ZSCAN5A: variants seen among roughly 807,000 people sequenced by gnomAD.
ZSCAN5A encodes the protein zinc finger and SCAN domain containing 5A.
Under a neutral mutation model 23.7 loss-of-function variants are expected in ZSCAN5A, and 12 were observed. That is an observed-to-expected ratio of 0.51 (90% CI 0.32 to 0.82). ZSCAN5A has a LOEUF of 0.82. Among genes scored for constraint, ZSCAN5A ranks in the 40% least tolerant of loss-of-function variants. The pLI is 0.03. For missense variants in ZSCAN5A, 597 were observed against 617.9 expected (o/e 0.97, Z 0.36); for synonymous variants, 257 against 239.9 (o/e 1.07, Z -0.66).
At chr19:56,289,104 G>A (rs781720452) in intron 2 of ZSCAN5A, among the ~76,000 whole-genome samples, 4 of 152,192 alleles carry the variant, frequency 2.6e-5, no homozygotes, top group Non-Finnish European at 5.9e-5. Flanking sequence ...TCTGCAAGGG[G>A]AGAGTGGGAA....
At chr19:56,344,547 C>T (rs775386688) in intron 2 of ZSCAN5A, among the ~76,000 whole-genome samples, 6 of 149,606 alleles carry the variant, frequency 4.0e-5, no homozygotes, top group African/African-American at 7.4e-5. Flanking sequence ...CCAAGGTGGG[C>T]GGATCACCAG....
At chr19:56,292,927 A>G (rs2039614831) in intron 2 of ZSCAN5A, among the ~76,000 whole-genome samples, 1 of 152,168 alleles carries the variant, frequency 6.6e-6, no homozygotes, top group South Asian at 2.1e-4. Flanking sequence ...GCAATACTCC[A>G]TTGCATGGAT....
chr19:56,222,573 C>G lies in ZSCAN5A; in HGVS notation c.739+18G>C, dbSNP rs753718688. Reference sequence around the variant, plus strand: ...AAGAGAGGGACTAACCCCTGTGGATCCAAGTCTTCATACTCACTGGGACTC... The same window carrying G: ...AAGAGAGGGACTAACCCCTGTGGATGCAAGTCTTCATACTCACTGGGACTC... On this transcript the variant is annotated intron_variant, in intron 5 of 5. Transcript: ENST00000683990. 2.5e-6 allele frequency: 4 copies of G among 1,613,070 alleles called. 1 individual carries two copies. The South Asian group carries it at 4.4e-5, about 18-fold the overall frequency.
intron 2 of ZSCAN5A, among the ~76,000 whole-genome samples, chr19:56,349,624 GA>G (rs932335712): frequency 1.1e-3 from 160 of 140,888 alleles, no homozygotes; most frequent in African/African-American, 3.4e-3. Flanking sequence ...AGAATCGCTT[GA>G]ACCCGGGAGG....
chr19:56,266,997 G>T (rs2037524841), intron 2 of ZSCAN5A, among the ~76,000 whole-genome samples: 1 of 152,030 alleles, frequency 6.6e-6, no homozygotes, highest in South Asian at 2.1e-4. Context: ...CTTTCTGCGT[G>T]TCAAATTCCT....
intron 2 of ZSCAN5A, among the ~76,000 whole-genome samples, chr19:56,333,346 A>AT (rs901449502): frequency 8.1e-5 from 12 of 148,532 alleles, no homozygotes; most frequent in East Asian, 7.9e-4. Flanking sequence ...CAAAGACTTT[A>AT]TTTTTTTTTT....
intron 2 of ZSCAN5A, among the ~76,000 whole-genome samples, chr19:56,328,781 C>T (rs2041460049): frequency 6.6e-6 from 1 of 150,526 alleles, no homozygotes; most frequent in Admixed American, 6.6e-5. Context: ...GCAGGTGGAT[C>T]ATGAGGTCAG....
At chr19:56,313,415 C>T in intron 1 of ZSCAN5A, 31 bp from the exon 2 acceptor site, 1 of 180,092 alleles carries the variant, frequency 5.6e-6, no homozygotes, top group Non-Finnish European at 1.2e-5. Context: ...TCTCGTGAGA[C>T]TTATTCACTA....
chr19:56,274,664 T>C (rs1237799847), intron 2 of ZSCAN5A: 1 of 152,132 alleles, frequency 6.6e-6, no homozygotes, highest in Admixed American at 6.5e-5. Flanking sequence ...ATTAAAGAAA[T>C]TACAGACCTC....
rs543213701 is a variant in ZSCAN5A, at chr19:56,294,395, A to G, written c.-128+18888T>C. ...CTATAATGTGGGCGTAACTTACCCA[A>G]ACTCCCTTAGATTCTATTTTCCTAC... On this transcript the variant is annotated intron_variant, in intron 2 of 5. Coordinates refer to ENST00000683990, the MANE Select transcript of ZSCAN5A (RefSeq NM_001322064.3). Among the ~76,000 whole-genome samples the G allele has an allele frequency of 3.3e-5, 5 of 152,366 alleles. No homozygotes were observed. The East Asian group carries it at 9.6e-4, about 29-fold the overall frequency.
intron 2 of ZSCAN5A, among the ~76,000 whole-genome samples, chr19:56,271,684 A>G (rs1453046836): frequency 6.6e-6 from 1 of 152,182 alleles, no homozygotes; most frequent in Non-Finnish European, 1.5e-5. Context: ...GGCAGGAGAG[A>G]GTCCCCTGCA....
chr19:56,244,099 G>A, intron 2 of ZSCAN5A: 2 of 1,464,932 alleles, frequency 1.4e-6, no homozygotes, highest in African/African-American at 1.4e-5. Context: ...ACAGCCCTGA[G>A]TCAGAGCCGC....
chr19:56,338,902 G>A (rs1201903887), intron 2 of ZSCAN5A, among the ~76,000 whole-genome samples: 1 of 152,218 alleles, frequency 6.6e-6, no homozygotes, highest in Non-Finnish European at 1.5e-5. Flanking sequence ...AACTGAAAAG[G>A]TGGCCTGTTC....
At position 56,244,180 on chromosome 19, in the gene ZSCAN5A, C is replaced by T. The variant is rs375611551; in HGVS notation, c.-127-19007G>A. ...GGGACCCTGAGACTTGTCACGTGAA[C>T]TTCAGGATGTTCAGCTGCCCAGAGG... On this transcript the variant is annotated intron_variant, in intron 2 of 5. Transcript: ENST00000683990. 389 of 1,612,100 alleles carry T rather than the reference C, an allele frequency of 2.4e-4. 3 individuals carry two copies. Among genetic ancestry groups the T allele is most frequent in the African/African-American group, 5.3e-4 (40 of 74,972 alleles).
intron 2 of ZSCAN5A, chr19:56,281,791 C>T (rs769632442): frequency 3.8e-4 from 272 of 714,302 alleles, no homozygotes; most frequent in Non-Finnish European, 4.2e-4. Context: ...AAACTGCTGA[C>T]GATCACATTC....
intron 2 of ZSCAN5A, among the ~76,000 whole-genome samples, chr19:56,226,128 G>A (rs1471683222): frequency 6.6e-6 from 1 of 152,112 alleles, no homozygotes; most frequent in Non-Finnish European, 1.5e-5. Context: ...ACAGGTGGGG[G>A]AAGCAACCTG....
chr19:56,326,499 G>A (rs992045098), intron 2 of ZSCAN5A, among the ~76,000 whole-genome samples: 3 of 151,754 alleles, frequency 2.0e-5, no homozygotes, highest in African/African-American at 7.3e-5. Flanking sequence ...TCCACCCCTG[G>A]TAACTGCCAT....
intron 2 of ZSCAN5A, among the ~76,000 whole-genome samples, chr19:56,278,855 C>T (rs981322432): frequency 3.9e-5 from 6 of 152,148 alleles, no homozygotes; most frequent in Non-Finnish European, 7.4e-5. Context: ...AAGGGCATCC[C>T]AGCTGCAGAA....
chr19:56,305,647 C>G (rs1285641001), intron 2 of ZSCAN5A, among the ~76,000 whole-genome samples: 1 of 152,108 alleles, frequency 6.6e-6, no homozygotes, highest in East Asian at 1.9e-4. Context: ...ACTGATGCAT[C>G]CTGGATGCAG....
Sources: gnomAD v4.1 joint callset for allele counts (sites outside exome capture counted in the v4.1 genomes callset) on GRCh38, gnomAD v4.1.1 for gene constraint, MANE v1.5 for transcripts, NCBI Gene and HGNC (gene_info 2026-07-23, HGNC 2026-07-21) for gene names.